Variants in CNTN5 observed in about 807,000 individuals in gnomAD.
The protein encoded by CNTN5 is contactin 5, also known as contactin-5.
In CNTN5, 77 loss-of-function variants were observed where a neutral mutation model predicts 129.1. That is an observed-to-expected ratio of 0.60 (90% confidence interval 0.50 to 0.72). The LOEUF is 0.72. CNTN5 is among the 30% of genes least tolerant of loss of function. The pLI is 0.00. For missense variants in CNTN5, 1,478 were observed against 1,328.8 expected (o/e 1.11, Z -1.75); for synonymous variants, 509 against 465.6 (o/e 1.09, Z -1.20).
intron 3 of CNTN5, among the ~76,000 whole-genome samples, chr11:99,658,184 A>C (rs2135906264): frequency 6.6e-6 from 1 of 152,298 alleles, no homozygotes; most frequent in South Asian, 2.1e-4. Flanking sequence ...TGCAACAAGT[A>C]ATCTGAAAAG....
chr11:100,315,406 T>C (rs138732239), intron 21 of CNTN5, among the ~76,000 whole-genome samples: 2 of 152,320 alleles, frequency 1.3e-5, no homozygotes, highest in Non-Finnish European at 1.5e-5. Context: ...CTTTATCTAA[T>C]AGAATGGTCA....
chr11:99,460,688 T>G (rs902437813), intron 2 of CNTN5, among the ~76,000 whole-genome samples: 1 of 151,946 alleles, frequency 6.6e-6, no homozygotes, highest in Non-Finnish European at 1.5e-5. Context: ...TTTACGAATA[T>G]AAGAACCAGT....
chr11:99,391,719 A>C (rs1421163545), intron 2 of CNTN5, among the ~76,000 whole-genome samples: 1 of 152,052 alleles, frequency 6.6e-6, no homozygotes, highest in Non-Finnish European at 1.5e-5. Context: ...AACTGTGGAA[A>C]GGAGTCAGTA....
Position 99,904,922 on chromosome 11 carries a change from C to T in CNTN5, c.578-11132C>T, listed in dbSNP as rs542291719. Among the ~76,000 whole-genome samples, 8 of 152,206 alleles carry T rather than the reference C, an allele frequency of 5.3e-5. No homozygotes were observed. The South Asian group carries it at 1.2e-3, about 24-fold the overall frequency. On this transcript the variant is annotated intron_variant, in intron 6 of 24. Transcript: ENST00000524871. ...GATGAGATTTTCTTCATATGTTTGT[C>T]GGCTGCATAAATGTCTTCTTTTGCA...
At chr11:99,228,034 T>C (rs1860782541) in intron 1 of CNTN5, among the ~76,000 whole-genome samples, 1 of 152,144 alleles carries the variant, frequency 6.6e-6, no homozygotes, top group African/African-American at 2.4e-5. Flanking sequence ...TACCATCGCT[T>C]GATCTGTTGC....
intron 3 of CNTN5, among the ~76,000 whole-genome samples, chr11:99,802,456 C>G (rs554548706): frequency 2.0e-5 from 3 of 152,174 alleles, no homozygotes; most frequent in Non-Finnish European, 4.4e-5. Flanking sequence ...GTGCCGTTTG[C>G]AAGGGAGAAA....
intron 13 of CNTN5, among the ~76,000 whole-genome samples, chr11:100,123,205 A>G (rs1347881875): frequency 6.6e-6 from 1 of 152,032 alleles, no homozygotes; most frequent in Non-Finnish European, 1.5e-5. Context: ...CAGCTTTAAA[A>G]TTTGTGAAAT....
rs369560354 is a variant in CNTN5 at position 99,990,984 on chromosome 11, C to G, written c.878-11050C>G. ...TGGAGGAGGGAATTGTGTCACTTAA[C>G]TATGCATCACAGGTAGATATTTAAT... is the stretch of plus-strand genomic sequence containing the variant. On this transcript the variant is annotated intron_variant, in intron 8 of 24. Transcript: ENST00000524871. Among the ~76,000 whole-genome samples the G allele has an allele frequency of 1.8e-4, 28 of 152,252 alleles. No homozygotes were observed. In the East Asian group the frequency reaches 4.8e-3, roughly 26 times the overall value.
chr11:100,166,419 G>A (rs572515227), intron 13 of CNTN5, among the ~76,000 whole-genome samples: 3 of 151,626 alleles, frequency 2.0e-5, no homozygotes, highest in Non-Finnish European at 4.4e-5. Flanking sequence ...GGCCCTTTGT[G>A]TTTCAGAATA....
At position 99,370,013 on chromosome 11, in the gene CNTN5, T is replaced by A. The variant is rs190195016; in HGVS notation, c.-71+44529T>A. On this transcript the variant is annotated intron_variant, in intron 2 of 24. Coordinates refer to ENST00000524871, the MANE Select transcript of CNTN5 (RefSeq NM_014361.4). ...CCTGAGGATTCATCTGGGACCTAAA[T>A]CTACCAGGTGGAGAAAAAATCTTGA... is the stretch of plus-strand genomic sequence containing the variant. Among the ~76,000 whole-genome samples the A allele has an allele frequency of 3.4e-3, 515 of 152,244 alleles. 3 individuals carry two copies. The highest frequency in any genetic ancestry group is 0.011 in the African/African-American group (473 of 41,554).
intron 2 of CNTN5, among the ~76,000 whole-genome samples, chr11:99,486,340 A>G (rs769078091): frequency 1.1e-4 from 16 of 152,114 alleles, no homozygotes; most frequent in Non-Finnish European, 2.4e-4. Flanking sequence ...CTACCTGGAA[A>G]AGTAAGCTTT....
chr11:99,666,390 C>A (rs1049315340), intron 3 of CNTN5, among the ~76,000 whole-genome samples: 4 of 152,132 alleles, frequency 2.6e-5, no homozygotes, highest in South Asian at 4.1e-4. Context: ...GGAGAGTAGG[C>A]TGGAGACTGT....
intron 2 of CNTN5, among the ~76,000 whole-genome samples, chr11:99,424,751 C>T (rs529620275): frequency 1.7e-4 from 26 of 152,346 alleles, no homozygotes; most frequent in East Asian, 5.8e-4. Context: ...TTATTTTCAT[C>T]GCCCACAACA....
At chr11:99,674,540 T>C (rs1178684031) in intron 3 of CNTN5, among the ~76,000 whole-genome samples, 1 of 152,132 alleles carries the variant, frequency 6.6e-6, no homozygotes, top group East Asian at 1.9e-4. Flanking sequence ...GCTCCCAAGA[T>C]CTACTAACTC....
At chr11:99,363,848 T>C in intron 2 of CNTN5, among the ~76,000 whole-genome samples, 1 of 152,136 alleles carries the variant, frequency 6.6e-6, no homozygotes, top group East Asian at 1.9e-4. Context: ...TTTCCAAGAT[T>C]TATCACTTGC....
chr11:99,333,556 A>G (rs1591535347), intron 2 of CNTN5, among the ~76,000 whole-genome samples: 1 of 152,054 alleles, frequency 6.6e-6, no homozygotes, highest in East Asian at 1.9e-4. Context: ...TTTTATAATT[A>G]CTTTCTGAAA....
chr11:99,894,496 T>C (rs1317938111), intron 6 of CNTN5, among the ~76,000 whole-genome samples: 3 of 127,608 alleles, frequency 2.4e-5, no homozygotes, highest in African/African-American at 8.4e-5. Context: ...TCCCAGTATA[T>C]TATGACAGGT....
chr11:100,079,708 A>T (rs1360089866), intron 13 of CNTN5, among the ~76,000 whole-genome samples: 1 of 152,012 alleles, frequency 6.6e-6, no homozygotes, highest in Admixed American at 6.6e-5. Context: ...ACTTTTGAAG[A>T]TTACTGGCAC....
chr11:100,019,450 G>A (rs11222398), intron 9 of CNTN5, among the ~76,000 whole-genome samples: 2,576 of 151,924 alleles, frequency 0.017, 91 homozygotes, highest in African/African-American at 0.06. Context: ...CAATATTCGC[G>A]TTTCTATGTC....
Sources: gnomAD v4.1 joint callset for allele counts (sites outside exome capture counted in the v4.1 genomes callset) on GRCh38, gnomAD v4.1.1 for gene constraint, MANE v1.5 for transcripts, NCBI Gene and HGNC (gene_info 2026-07-23, HGNC 2026-07-21) for gene names.